The following KCND2 variants were observed in gnomAD, a reference collection of about 807,000 sequenced individuals.
The protein encoded by KCND2 is potassium voltage-gated channel subfamily D member 2.
Under a neutral mutation model 54.4 loss-of-function variants are expected in KCND2, and 16 were observed. The ratio of observed to expected loss-of-function variants is 0.29; its 90% CI spans 0.20 to 0.45. The LOEUF (loss-of-function observed/expected upper bound fraction) is 0.45, where lower values mean the gene tolerates loss of function less well. Ranked by LOEUF, KCND2 falls within the 20% of genes least tolerant of loss-of-function variation. The pLI is 1.00. For missense variants in KCND2, 486 were observed against 824.2 expected (o/e 0.59, Z 5.02); for synonymous variants, 317 against 310.7 (o/e 1.02, Z -0.21).
At chr7:120,702,427 A>G (rs573564849) in intron 1 of KCND2, among the ~76,000 whole-genome samples, 1 of 152,312 alleles carries the variant, frequency 6.6e-6, no homozygotes, top group South Asian at 2.1e-4. Flanking sequence ...CAACCCAGCA[A>G]TCTCATTACT....
At chr7:120,582,724 C>G (rs1792533550) in intron 1 of KCND2, among the ~76,000 whole-genome samples, 2 of 152,134 alleles carry the variant, frequency 1.3e-5, no homozygotes, top group South Asian at 4.1e-4. Context: ...AAATAATTCT[C>G]CGCTGATACC....
At chr7:120,694,164 G>A (rs1056047315) in intron 1 of KCND2, among the ~76,000 whole-genome samples, 12 of 152,236 alleles carry the variant, frequency 7.9e-5, no homozygotes, top group African/African-American at 2.7e-4. Context: ...GCCTATTTGT[G>A]TGTAGGGTCT....
intron 1 of KCND2, among the ~76,000 whole-genome samples, chr7:120,550,404 T>C (rs566877985): frequency 6.6e-6 from 1 of 152,110 alleles, no homozygotes; most frequent in Admixed American, 6.5e-5. Context: ...AATAAAATGG[T>C]TGGAATTGCC....
At chr7:120,456,341 T>C (rs1055196827) in intron 1 of KCND2, among the ~76,000 whole-genome samples, 2 of 152,220 alleles carry the variant, frequency 1.3e-5, no homozygotes, top group Non-Finnish European at 2.9e-5. Flanking sequence ...TGGCATCAGT[T>C]TGGATAATAT....
rs1359896450 is a variant in KCND2, at chr7:120,275,562, G to A, written c.930G>A (p.Leu310=). The change falls in exon 1 of 6, where the codon CTG becomes CTA. Residue 310 remains leucine (L), a synonymous_variant. Transcript: ENST00000331113. Reference sequence around the variant, plus strand: ...AGTTTTCCCGCCACTCTCAAGGCCTGCGCATCCTGGGGTACACACTGAAGA... The same window carrying A: ...AGTTTTCCCGCCACTCTCAAGGCCTACGCATCCTGGGGTACACACTGAAGA... The part of the protein sequence containing the change: ...IFKFSRHSQG[L]RILGYTLKSC... The A allele has an allele frequency of 6.2e-7, 1 of 1,613,674 alleles. No individual in the cohort carries two copies. The highest frequency in any genetic ancestry group is 1.3e-5 in the African/African-American group (1 of 74,842).
chr7:120,412,559 T>C (rs1801467317), intron 1 of KCND2, among the ~76,000 whole-genome samples: 1 of 152,050 alleles, frequency 6.6e-6, no homozygotes, highest in South Asian at 2.1e-4. Context: ...CCATATGTTT[T>C]CCTTTTCTGT....
At chr7:120,397,969 ATAAGTGTGTG>A (rs1801178704) in intron 1 of KCND2, among the ~76,000 whole-genome samples, 1 of 128,014 alleles carries the variant, frequency 7.8e-6, no homozygotes, top group Non-Finnish European at 1.7e-5. Context: ...GTGTGTGTAT[ATAAGTGTGTG>A]TGTGTGTGTG....
intron 1 of KCND2, among the ~76,000 whole-genome samples, chr7:120,280,938 A>G (rs577950784): frequency 2.0e-4 from 30 of 152,188 alleles, no homozygotes; most frequent in South Asian, 4.1e-4. Flanking sequence ...ACATTCCTCA[A>G]TATCACTGCT....
intron 1 of KCND2, among the ~76,000 whole-genome samples, chr7:120,654,442 C>A (rs897754773): frequency 6.6e-6 from 1 of 152,124 alleles, no homozygotes; most frequent in Non-Finnish European, 1.5e-5. Context: ...TAATTATTTA[C>A]AGAATCTTTG....
chr7:120,288,576 C>A (rs761322709), intron 1 of KCND2, among the ~76,000 whole-genome samples: 7 of 152,036 alleles, frequency 4.6e-5, no homozygotes, highest in Non-Finnish European at 1.0e-4. Context: ...AAAATGATTT[C>A]ATGTTCTTTC....
chr7:120,323,107 C>T (rs955656981), intron 1 of KCND2, among the ~76,000 whole-genome samples: 3 of 151,856 alleles, frequency 2.0e-5, no homozygotes, highest in Non-Finnish European at 4.4e-5. Flanking sequence ...TTTCAAGCCT[C>T]GCATGCATTA....
At chr7:120,292,923 G>T (rs1383174798) in intron 1 of KCND2, among the ~76,000 whole-genome samples, 1 of 151,744 alleles carries the variant, frequency 6.6e-6, no homozygotes, top group Non-Finnish European at 1.5e-5. Flanking sequence ...AAGCTGATCT[G>T]ACTGGAAGAG....
At chr7:120,353,133 CTTTTTTTTTT>C (rs72353278) in intron 1 of KCND2, among the ~76,000 whole-genome samples, 1 of 91,794 alleles carries the variant, frequency 1.1e-5, no homozygotes, top group Non-Finnish European at 2.0e-5. Context: ...AATACTTTTA[CTTTTTTTTTT>C]TTTTTTTTTT....
intron 1 of KCND2, among the ~76,000 whole-genome samples, chr7:120,550,318 A>G (rs990572327): frequency 1.1e-4 from 16 of 152,118 alleles, no homozygotes; most frequent in African/African-American, 3.6e-4. Context: ...AATGGGGGAA[A>G]AAAATGAGGT....
At chr7:120,545,777 T>A (rs1042848958) in intron 1 of KCND2, among the ~76,000 whole-genome samples, 2 of 151,594 alleles carry the variant, frequency 1.3e-5, no homozygotes, top group African/African-American at 4.8e-5. Flanking sequence ...AAGCAATTTT[T>A]AAAAAATATT....
At chr7:120,710,851 A>G (rs1182921697) in intron 1 of KCND2, among the ~76,000 whole-genome samples, 1 of 152,176 alleles carries the variant, frequency 6.6e-6, no homozygotes. Flanking sequence ...CATTCTCGAT[A>G]AGCTCACTAA....
intron 1 of KCND2, among the ~76,000 whole-genome samples, chr7:120,493,880 A>G (rs1802816663): frequency 6.6e-6 from 1 of 152,168 alleles, no homozygotes; most frequent in African/African-American, 2.4e-5. Flanking sequence ...GCATATATCT[A>G]AATATGTAAT....
chr7:120,335,289 G>A (rs924012672), intron 1 of KCND2, among the ~76,000 whole-genome samples: 2 of 145,756 alleles, frequency 1.4e-5, no homozygotes, highest in African/African-American at 5.0e-5. Context: ...CTTGAACCCA[G>A]GAGGCAGAGG....
chr7:120,714,821 T>C (rs1370774582), intron 1 of KCND2, among the ~76,000 whole-genome samples: 2 of 151,826 alleles, frequency 1.3e-5, no homozygotes, highest in Non-Finnish European at 2.9e-5. Flanking sequence ...AATGATCCTG[T>C]TATCTTTTGC....
Sources: allele counts gnomAD v4.1 joint callset (sites outside exome capture counted in the v4.1 genomes callset), GRCh38; gene constraint gnomAD v4.1.1; transcripts MANE v1.5; gene names NCBI Gene and HGNC (gene_info 2026-07-23, HGNC 2026-07-21).